Variants in ACCSL observed in about 807,000 individuals in gnomAD.
ACCSL encodes 1-aminocyclopropane-1-carboxylate synthase homolog (inactive) like, also known as probable inactive 1-aminocyclopropane-1-carboxylate synthase-like protein 2.
Under a neutral mutation model 61.7 loss-of-function variants are expected in ACCSL, and 55 were observed. The ratio of observed to expected loss-of-function variants is 0.89; its 90% CI spans 0.72 to 1.12. ACCSL has a LOEUF of 1.12. ACCSL is among the 50% of genes most tolerant of loss of function. ACCSL has a pLI of 0.00. For missense variants in ACCSL, 632 were observed against 698.0 expected (o/e 0.91, Z 1.07); for synonymous variants, 258 against 264.3 (o/e 0.98, Z 0.23).
rs201604433 is a variant in ACCSL at position 44,048,334 on chromosome 11, G to T, written c.298G>T (p.Asp100Tyr). ...GCTCCAAGTGCCTCTTCCTTCTGAG[G>T]ACTCTAGGGGTGATGTCAGATATGG... is the stretch of plus-strand genomic sequence containing the variant. ...LELQVPLPSE[D>Y]SRGDVRYGQR... is the part of the protein sequence containing the mutation. The change falls in exon 1 of 14, where the codon GAC becomes TAC. Residue 100 changes from aspartate to tyrosine, a missense_variant. Transcript: ENST00000378832. 9.9e-5 allele frequency: 159 copies of T among 1,614,024 alleles called. 1 individual carries two copies. In the East Asian group the frequency reaches 2.7e-3, roughly 27 times the overall value.
the ACCSL span, among the ~76,000 whole-genome samples, chr11:43,953,591 A>C: frequency 3.3e-5 from 5 of 152,008 alleles, no homozygotes; most frequent in African/African-American, 1.2e-4. Context: ...ATGGTGATGA[A>C]AGTGACCTCT....
At chr11:43,957,221 A>G in the ACCSL span, among the ~76,000 whole-genome samples, 1 of 152,028 alleles carries the variant, frequency 6.6e-6, no homozygotes, top group Non-Finnish European at 1.5e-5. Context: ...TTTTAGGGAG[A>G]CAGAAGTTAC....
At chr11:44,055,166 C>T (rs574457492) in intron 8 of ACCSL, 36 bp from the exon 9 acceptor site, 1 of 1,398,942 alleles carries the variant, frequency 7.1e-7, no homozygotes, top group Admixed American at 1.8e-5. Context: ...TAGAGAGAAG[C>T]TAGATCTTGT....
At chr11:43,967,179 T>TTA in the ACCSL span, among the ~76,000 whole-genome samples, 225 of 127,954 alleles carry the variant, frequency 1.8e-3, 3 homozygotes, top group Non-Finnish European at 2.8e-3. Flanking sequence ...TTTTTTTTTT[T>TTA]TTTTTTTTTT....
At chr11:44,041,702 T>G in the ACCSL span, among the ~76,000 whole-genome samples, 8 of 152,244 alleles carry the variant, frequency 5.3e-5, no homozygotes. Flanking sequence ...GACTCAAATT[T>G]CTTACCTTGG....
At chr11:44,051,104 G>A (rs1014321824) in intron 3 of ACCSL, among the ~76,000 whole-genome samples, 5 of 152,200 alleles carry the variant, frequency 3.3e-5, no homozygotes, top group African/African-American at 1.2e-4. Context: ...GCCTCCCAAA[G>A]TGCTGGGATT....
At chr11:44,046,191 G>A (rs779900118), upstream of ACCSL, among the ~76,000 whole-genome samples, 52 of 152,266 alleles carry the variant, frequency 3.4e-4, no homozygotes, top group Non-Finnish European at 5.4e-4. Flanking sequence ...TGGAAGAGAC[G>A]GTTTCTCTAG....
chr11:44,054,403 T>C (rs1189889404), intron 8 of ACCSL, among the ~76,000 whole-genome samples: 1 of 152,082 alleles, frequency 6.6e-6, no homozygotes, highest in African/African-American at 2.4e-5. Flanking sequence ...ATTGAGGGAA[T>C]TGACTTTACA....
upstream of ACCSL, among the ~76,000 whole-genome samples, chr11:44,044,175 G>C (rs1246682662): frequency 6.6e-6 from 1 of 152,088 alleles, no homozygotes; most frequent in Non-Finnish European, 1.5e-5. Flanking sequence ...AGACTTTCTG[G>C]GTATTATGTG....
At chr11:44,043,943 T>C (rs1364562025), upstream of ACCSL, among the ~76,000 whole-genome samples, 1 of 152,258 alleles carries the variant, frequency 6.6e-6, no homozygotes, top group Non-Finnish European at 1.5e-5. Flanking sequence ...TATAATCTAC[T>C]CCCAATAGCT....
the ACCSL span, among the ~76,000 whole-genome samples, chr11:44,000,436 T>A: frequency 2.6e-5 from 3 of 116,692 alleles, no homozygotes; most frequent in Admixed American, 1.8e-4. Context: ...CTGTCTCTAT[T>A]TTAAAAAAAA....
chr11:44,051,427 C>T, intron 4 of ACCSL, 23 bp downstream of exon 4: 1 of 1,613,668 alleles, frequency 6.2e-7, no homozygotes, highest in Non-Finnish European at 8.5e-7. Flanking sequence ...CCCAGCCTTG[C>T]TGCCACCCTG....
chr11:44,043,949 T>G (rs1333979763), upstream of ACCSL, among the ~76,000 whole-genome samples: 2 of 152,222 alleles, frequency 1.3e-5, no homozygotes, highest in African/African-American at 4.8e-5. Context: ...CTACTCCCAA[T>G]AGCTGGAGAC....
the ACCSL span, among the ~76,000 whole-genome samples, chr11:44,023,430 CT>C: frequency 6.6e-6 from 1 of 152,110 alleles, no homozygotes; most frequent in South Asian, 2.1e-4. Context: ...GTTATCTAAT[CT>C]TTTGGCGTAT....
chr11:43,989,729 T>C, the ACCSL span, among the ~76,000 whole-genome samples: 3 of 152,236 alleles, frequency 2.0e-5, no homozygotes, highest in African/African-American at 7.2e-5. Context: ...CAGTGAGCTG[T>C]CCCACCACAT....
the ACCSL span, among the ~76,000 whole-genome samples, chr11:43,962,683 G>A: frequency 3.9e-5 from 6 of 152,316 alleles, no homozygotes; most frequent in East Asian, 9.7e-4. Context: ...GAAAAAAGGC[G>A]TGGCTAAACC....
the ACCSL span, among the ~76,000 whole-genome samples, chr11:43,963,360 T>C: frequency 2.0e-5 from 3 of 152,244 alleles, no homozygotes; most frequent in African/African-American, 7.2e-5. Context: ...AGTGACAAGC[T>C]TTCTCCAGTT....
the ACCSL span, among the ~76,000 whole-genome samples, chr11:43,931,309 A>G: frequency 6.6e-6 from 1 of 151,180 alleles, no homozygotes; most frequent in Non-Finnish European, 1.5e-5. Context: ...TGTCATCCAC[A>G]CTCCCCTCCA....
At chr11:43,956,607 G>C in the ACCSL span, among the ~76,000 whole-genome samples, 1 of 152,134 alleles carries the variant, frequency 6.6e-6, no homozygotes, top group Non-Finnish European at 1.5e-5. Flanking sequence ...TTTCAGTAGA[G>C]ACAGGGCTTC....
Sources: allele counts gnomAD v4.1 joint callset (sites outside exome capture counted in the v4.1 genomes callset), GRCh38; gene constraint gnomAD v4.1.1; transcripts MANE v1.5; gene names NCBI Gene and HGNC (gene_info 2026-07-23, HGNC 2026-07-21).